TSPAN18: variants seen among roughly 807,000 people sequenced by gnomAD.
TSPAN18 encodes the protein tetraspanin 18.
A neutral mutation model predicts 27.3 loss-of-function variants in TSPAN18; 14 were observed. The observed-to-expected ratio is 0.51, with a 90% CI of 0.34 to 0.80. TSPAN18 has a LOEUF of 0.80. Ranked by LOEUF, TSPAN18 falls within the 30% of genes least tolerant of loss-of-function variation. The pLI is 0.01. For missense variants in TSPAN18, 268 were observed against 323.9 expected, an observed-to-expected ratio of 0.83 and a Z score of 1.32; for synonymous variants, 143 against 136.5, an observed-to-expected ratio of 1.05 and a Z score of -0.33.
intron 7 of TSPAN18, 113 bp from the exon 8 acceptor site, chr11:44,919,704 C>A: frequency 9.1e-7 from 1 of 1,102,214 alleles, no homozygotes; most frequent in Non-Finnish European, 1.4e-6. Context: ...GTGGAGCCCG[C>A]CCACACCCAG....
chr11:44,903,924 A>C, intron 3 of TSPAN18: 1 of 454,308 alleles, frequency 2.2e-6, no homozygotes, highest in Non-Finnish European at 4.4e-6. Context: ...TATTAATCTC[A>C]TGGGTTGTTA....
At position 44,932,028 on chromosome 11, in the gene TSPAN18, T is replaced by G. The variant is rs1590716354; in HGVS notation, c.*2850T>G. On this transcript the variant is annotated 3_prime_UTR_variant, in exon 10 of 10. Coordinates refer to ENST00000520358, the MANE Select transcript of TSPAN18 (RefSeq NM_130783.5). Reference sequence around the variant, plus strand: ...GGAATAGCTCTTTATGGGCTGGGGGTGAGGGCCCCTCCCCAGGGTCCCTGT... The same window carrying G: ...GGAATAGCTCTTTATGGGCTGGGGGGGAGGGCCCCTCCCCAGGGTCCCTGT... 1 of 152,032 alleles carries G rather than the reference T, an allele frequency of 6.6e-6. No individual in the cohort carries two copies. The highest frequency in any genetic ancestry group is 2.4e-5 in the African/African-American group (1 of 41,380). 9.4% of individuals were successfully genotyped at this position (152,032 alleles called of 1,614,324 possible).
intron 2 of TSPAN18, among the ~76,000 whole-genome samples, chr11:44,822,244 G>A (rs1228546085): frequency 3.9e-5 from 6 of 152,022 alleles, no homozygotes; most frequent in Admixed American, 6.5e-5. Flanking sequence ...AATGGTTGTG[G>A]GTAAGATGAT....
intron 2 of TSPAN18, among the ~76,000 whole-genome samples, chr11:44,766,729 A>G (rs537363815): frequency 6.6e-6 from 1 of 152,308 alleles, no homozygotes; most frequent in East Asian, 1.9e-4. Flanking sequence ...CATCACAGGG[A>G]AAATATAAAG....
intron 3 of TSPAN18, among the ~76,000 whole-genome samples, chr11:44,874,038 T>C (rs1858264008): frequency 6.6e-6 from 1 of 152,172 alleles, no homozygotes; most frequent in Non-Finnish European, 1.5e-5. Context: ...CCTACATCTG[T>C]TTCTTAGGGG....
intron 3 of TSPAN18, chr11:44,885,851 G>T (rs835773): frequency 0.99 from 150,952 of 152,334 alleles, 74,806 homozygotes; most frequent in East Asian, 1. Flanking sequence ...GGTTGTGGCC[G>T]CCCCTAATTC....
chr11:44,846,441 C>G (rs1456186596), intron 2 of TSPAN18, among the ~76,000 whole-genome samples: 1 of 152,260 alleles, frequency 6.6e-6, no homozygotes, highest in African/African-American at 2.4e-5. Flanking sequence ...CCTGCCTCCC[C>G]TGAGGCCAGA....
At chr11:44,804,048 C>T (rs1218959665) in intron 2 of TSPAN18, among the ~76,000 whole-genome samples, 1 of 152,174 alleles carries the variant, frequency 6.6e-6, no homozygotes, top group Non-Finnish European at 1.5e-5. Flanking sequence ...TGCTGTTCAT[C>T]ATTACTTTGC....
chr11:44,797,540 C>T (rs1356394195), intron 2 of TSPAN18, among the ~76,000 whole-genome samples: 1 of 152,138 alleles, frequency 6.6e-6, no homozygotes, highest in Non-Finnish European at 1.5e-5. Flanking sequence ...TGCCTGAGCA[C>T]CTGGGAGCCA....
At chr11:44,768,892 ATTTTTTTTT>A (rs60616294) in intron 2 of TSPAN18, among the ~76,000 whole-genome samples, 30 of 101,232 alleles carry the variant, frequency 3.0e-4, no homozygotes, top group African/African-American at 1.0e-3. Flanking sequence ...ATACTATTTG[ATTTTTTTTT>A]TTTTTTTTTT....
chr11:44,753,951 C>T (rs189359825), intron 1 of TSPAN18, among the ~76,000 whole-genome samples: 2 of 152,160 alleles, frequency 1.3e-5, no homozygotes, highest in Non-Finnish European at 2.9e-5. Context: ...CTAGGACTCC[C>T]TTGACCGAGC....
chr11:44,730,560 C>T (rs573179346), intron 1 of TSPAN18, among the ~76,000 whole-genome samples: 29 of 151,994 alleles, frequency 1.9e-4, no homozygotes, highest in Middle Eastern at 3.2e-3. Flanking sequence ...TCCTGCCACC[C>T]GGGCTGGCAC....
intron 8 of TSPAN18, chr11:44,925,920 C>T (rs929543816): frequency 6.6e-6 from 1 of 152,120 alleles, no homozygotes; most frequent in Non-Finnish European, 1.5e-5. Flanking sequence ...ACTGGCAGCT[C>T]CTGGCTTGGC....
intron 2 of TSPAN18, among the ~76,000 whole-genome samples, chr11:44,819,212 C>T (rs1447001934): frequency 6.6e-6 from 1 of 152,134 alleles, no homozygotes; most frequent in African/African-American, 2.4e-5. Flanking sequence ...CCAGGGATTG[C>T]TGCCACCTCT....
intron 2 of TSPAN18, among the ~76,000 whole-genome samples, chr11:44,850,157 C>T (rs1349628120): frequency 6.6e-6 from 1 of 152,198 alleles, no homozygotes; most frequent in Non-Finnish European, 1.5e-5. Flanking sequence ...TCCCCAGGGC[C>T]CGCCAAGTCC....
chr11:44,872,151 G>A (rs61880646), intron 3 of TSPAN18, among the ~76,000 whole-genome samples: 31,478 of 151,672 alleles, frequency 0.21, 3,767 homozygotes, highest in East Asian at 0.26. Flanking sequence ...GGCTGGTCTC[G>A]AACTCCTGAC....
At chr11:44,796,727 G>A (rs1046751889) in intron 2 of TSPAN18, among the ~76,000 whole-genome samples, 20 of 152,078 alleles carry the variant, frequency 1.3e-4, no homozygotes, top group Admixed American at 3.9e-4. Flanking sequence ...TGCTGAGCCC[G>A]GGCCAGCCTG....
chr11:44,765,180 C>A (rs1331110714), intron 2 of TSPAN18, among the ~76,000 whole-genome samples: 1 of 152,190 alleles, frequency 6.6e-6, no homozygotes, highest in Non-Finnish European at 1.5e-5. Context: ...TCATTTCCCT[C>A]ATTGGTCCTC....
At chr11:44,805,175 T>C (rs1461178560) in intron 2 of TSPAN18, among the ~76,000 whole-genome samples, 3 of 152,120 alleles carry the variant, frequency 2.0e-5, no homozygotes, top group South Asian at 2.1e-4. Flanking sequence ...AGACTGGTCA[T>C]TTTCATAAAG....
Sources: allele counts gnomAD v4.1 joint callset (sites outside exome capture counted in the v4.1 genomes callset), GRCh38; gene constraint gnomAD v4.1.1; transcripts MANE v1.5; gene names NCBI Gene and HGNC (gene_info 2026-07-23, HGNC 2026-07-21).